The following ALDH1L1 variants were observed in gnomAD, a reference collection of about 807,000 sequenced individuals.
The protein encoded by ALDH1L1 is aldehyde dehydrogenase 1 family member L1, also known as cytosolic 10-formyltetrahydrofolate dehydrogenase.
Under a neutral mutation model 101.1 loss-of-function variants are expected in ALDH1L1, and 68 were observed. The ratio of observed to expected loss-of-function variants is 0.67; its 90% CI spans 0.55 to 0.82. The LOEUF (loss-of-function observed/expected upper bound fraction) is 0.82. ALDH1L1 is among the 40% of genes least tolerant of loss of function. The pLI, the probability that ALDH1L1 is intolerant of heterozygous loss-of-function variation, is 0.00. For missense variants in ALDH1L1, 1,087 were observed against 1,172.7 expected (o/e 0.93, Z 1.07); for synonymous variants, 486 against 470.8 (o/e 1.03, Z -0.42).
chr3:126,146,431 C>A (rs114287293), intron 9 of ALDH1L1, among the ~76,000 whole-genome samples: 3 of 152,132 alleles, frequency 2.0e-5, no homozygotes, highest in African/African-American at 7.2e-5. Context: ...CACAAACTGT[C>A]GAACCATAGT....
intron 7 of ALDH1L1, 152 bp downstream of exon 7, chr3:126,153,292 G>A (rs1271305579): frequency 8.4e-7 from 1 of 1,186,634 alleles, no homozygotes; most frequent in East Asian, 2.4e-5. Context: ...CCAGCCGGGT[G>A]GTCAGGGACA....
chr3:126,107,756 C>T, intron 20 of ALDH1L1: 1 of 161,456 alleles, frequency 6.2e-6, no homozygotes, highest in South Asian at 1.8e-4. Context: ...CTACCAAGGC[C>T]CAGCTCCATG....
intron 21 of ALDH1L1, among the ~76,000 whole-genome samples, chr3:126,106,213 A>G (rs1041106438): frequency 2.0e-5 from 3 of 152,198 alleles, no homozygotes; most frequent in East Asian, 3.9e-4. Context: ...GGGTCCTCAC[A>G]TGCAGAAGGA....
rs1483443301 is a variant in ALDH1L1, at chr3:126,150,850, G to A, written c.859-319C>T. 1.4e-4 allele frequency: 35 copies of A among 256,068 alleles called. No homozygotes were observed. The Admixed American group carries it at 1.6e-3, about 12-fold the overall frequency. 15.9% of individuals were successfully genotyped at this position (256,068 alleles called of 1,614,324 possible). A position where few individuals can be genotyped will look rare whatever the true frequency, so the allele number is the denominator to read the frequency against. ...TGGGATTACAGGCATGAGCCACTGC[G>A]CCCGGCCAAAAGGAAGGATTTCACA... On this transcript the variant is annotated intron_variant, in intron 7 of 22. Coordinates refer to ENST00000393434, the MANE Select transcript of ALDH1L1 (RefSeq NM_012190.4).
rs564643533 is a variant in ALDH1L1 at position 126,142,674 on chromosome 3, A to C, written c.1076+4161T>G. Among the ~76,000 whole-genome samples the C allele has an allele frequency of 4.6e-5, 7 of 152,348 alleles. No homozygotes were observed. In the East Asian group the frequency reaches 1.3e-3, roughly 29 times the overall value. ...ATGATTAAAAAGCACTCAAACTAAG[A>C]ATAGAAGGGAACATCCTTTATATAA... On this transcript the variant is annotated intron_variant, in intron 9 of 22. Transcript: ENST00000393434.
Position 126,105,870 on chromosome 3 carries a change from CA to C in ALDH1L1, c.2508del (p.Gly837ValfsTer48). The C allele has an allele frequency of 6.2e-7, 1 of 1,614,184 alleles. No individual in the cohort carries two copies. The highest frequency in any genetic ancestry group is 8.5e-7 in the Non-Finnish European group (1 of 1,180,022). On this transcript the variant is annotated frameshift_variant, in exon 22 of 23. Coordinates refer to ENST00000393434, the MANE Select transcript of ALDH1L1 (RefSeq NM_012190.4). LOFTEE classifies it high-confidence loss of function. ...RANATEFGLASGVFTRDINKA... is the reference protein window; with the variant it reads ...RANATEFGLAXGVFTRDINKA... Reference sequence around the variant, plus strand: ...TTGTTGATGTCCCTGGTGAAGACACCAGAAGCCAGGCCAAATTCCGTGGCAT... The same window carrying C: ...TTGTTGATGTCCCTGGTGAAGACACCGAAGCCAGGCCAAATTCCGTGGCAT...
upstream of ALDH1L1, chr3:126,180,724 C>T (rs964767352): frequency 7.1e-7 from 1 of 1,403,158 alleles, no homozygotes; most frequent in Admixed American, 2.9e-5. Flanking sequence ...CCTCTCCGGG[C>T]GGGTCTATAA....
Position 126,137,906 on chromosome 3 carries a change from A to T in ALDH1L1, c.1131T>A (p.Asp377Glu). ...CCCCAAAGGTGGATGCCATGTACAC[A>T]TCTTCATTTTCTAACTCCAGGCCAT... Reference protein sequence around the residue: ...LCDGLELENEDVYMASTFGDF... With the variant: ...LCDGLELENEEVYMASTFGDF... Residue 377 changes from aspartate to glutamate, a missense_variant, in exon 10 of 23, where the codon GAT (aspartate) becomes GAA (glutamate). Asp to Glu is a conservative substitution (Grantham distance 45). This residue lies in a region of ALDH1L1 where 645 missense variants were observed against 637.0 expected (regional missense o/e 1.01). Transcript: ENST00000393434. 6.2e-7 allele frequency: 1 copy of T among 1,614,116 alleles called. No individual in the cohort carries two copies. The highest frequency in any genetic ancestry group is 8.5e-7 in the Non-Finnish European group (1 of 1,180,002).
intron 8 of ALDH1L1, among the ~76,000 whole-genome samples, chr3:126,148,446 C>T (rs192812793): frequency 6.6e-5 from 10 of 152,354 alleles, no homozygotes; most frequent in East Asian, 5.8e-4. Flanking sequence ...CCACCAACAC[C>T]GGGGAGCTGC....
chr3:126,128,501 C>A (rs1384620558), intron 14 of ALDH1L1: 2 of 152,296 alleles, frequency 1.3e-5, no homozygotes, highest in Non-Finnish European at 2.9e-5. Context: ...TGGGTTCCGG[C>A]TCCAGAACAT....
At chr3:126,118,781 G>T (rs768098187) in intron 16 of ALDH1L1, among the ~76,000 whole-genome samples, 1 of 151,966 alleles carries the variant, frequency 6.6e-6, no homozygotes, top group Non-Finnish European at 1.5e-5. Context: ...CAAAACACCC[G>T]CCCTCAGGTG....
intron 1 of ALDH1L1, among the ~76,000 whole-genome samples, chr3:126,162,428 C>A (rs1295654008): frequency 6.6e-6 from 1 of 152,174 alleles, no homozygotes; most frequent in South Asian, 2.1e-4. Context: ...CCAATGAAGT[C>A]GAATGCCTTT....
At position 126,154,622 on chromosome 3, in the gene ALDH1L1, C is replaced by T; in HGVS notation, c.652G>A (p.Glu218Lys). ...CCGCGGATCCAGTTGTGAATGGCCTCTGCCGGCTGGTCCCAGTTGATCTGT... is the reference window on the plus strand; with the variant it reads ...CCGCGGATCCAGTTGTGAATGGCCTTTGCCGGCTGGTCCCAGTTGATCTGT... ...TAKINWDQPA[E>K]AIHNWIRGND... Residue 218 changes from glutamate to lysine, a missense_variant, in exon 6 of 23, where the codon GAG becomes AAG. Coordinates refer to ENST00000393434, the MANE Select transcript of ALDH1L1 (RefSeq NM_012190.4). 3 of 1,614,180 alleles carry T rather than the reference C, an allele frequency of 1.9e-6. No individual in the cohort carries two copies. Among genetic ancestry groups the T allele is most frequent in the Non-Finnish European group, 2.5e-6 (3 of 1,180,026 alleles).
chr3:126,155,701 C>A, intron 4 of ALDH1L1, 198 bp from the exon 5 acceptor site: 1 of 506,300 alleles, frequency 2.0e-6, no homozygotes, highest in Non-Finnish European at 3.5e-6. Context: ...GACACAGACC[C>A]GTCCTCTCTA....
Position 126,131,869 on chromosome 3 carries a change from T to C in ALDH1L1, c.1473-335A>G, listed in dbSNP as rs559701838. On this transcript the variant is annotated intron_variant, in intron 12 of 22. Coordinates refer to ENST00000393434, the MANE Select transcript of ALDH1L1 (RefSeq NM_012190.4). Reference sequence around the variant, plus strand: ...CTTGCTGCAGACAGCAAAGGGGTCATGGCCCAAGAGGCTGCCCTTCCTGTC... The same window carrying C: ...CTTGCTGCAGACAGCAAAGGGGTCACGGCCCAAGAGGCTGCCCTTCCTGTC... Among the ~76,000 whole-genome samples, 3 of 152,378 alleles carry C rather than the reference T, an allele frequency of 2.0e-5. No homozygotes were observed. The South Asian group carries it at 6.2e-4, about 32-fold the overall frequency.
At chr3:126,180,403 G>A in intron 1 of ALDH1L1, 73 bp downstream of exon 1, 1 of 973,118 alleles carries the variant, frequency 1.0e-6, no homozygotes, top group Non-Finnish European at 1.2e-6. Context: ...AGCCCCCGGA[G>A]CCCCCGGAGC....
chr3:126,107,203 G>A lies in ALDH1L1; in HGVS notation c.2391C>T (p.His797=), dbSNP rs762729157. 2.5e-6 allele frequency: 4 copies of A among 1,614,204 alleles called. No individual in the cohort carries two copies. Among genetic ancestry groups the A allele is most frequent in the Non-Finnish European group, 3.4e-6 (4 of 1,180,034 alleles). ...AGGACTCCTCCTTGGCTATGAACATGTGGTCTTCCACGTCTGTGAAAACAG... is the reference window on the plus strand; with the variant it reads ...AGGACTCCTCCTTGGCTATGAACATATGGTCTTCCACGTCTGTGAAAACAG... ...EPTVFTDVED[H]MFIAKEESFG... Residue 797 remains histidine (H), a synonymous_variant, in exon 21 of 23, where the codon CAC becomes CAT. Coordinates refer to ENST00000393434, the MANE Select transcript of ALDH1L1 (RefSeq NM_012190.4).
intron 1 of ALDH1L1, among the ~76,000 whole-genome samples, chr3:126,165,105 G>A (rs1161840206): frequency 6.6e-6 from 1 of 151,980 alleles, no homozygotes; most frequent in African/African-American, 2.4e-5. Flanking sequence ...ATTTTTTAAT[G>A]GGGTTATTTG....
At chr3:126,112,000 A>G (rs1946094000) in intron 19 of ALDH1L1, among the ~76,000 whole-genome samples, 1 of 152,158 alleles carries the variant, frequency 6.6e-6, no homozygotes, top group Admixed American at 6.5e-5. Context: ...CCATGTGGTG[A>G]GAAGGTAATG....
Sources: gnomAD v4.1 joint callset for allele counts (sites outside exome capture counted in the v4.1 genomes callset) on GRCh38, gnomAD v4.1.1 for gene constraint, gnomAD v4.1.1 regional missense constraint, MANE v1.5 for transcripts, NCBI Gene and HGNC (gene_info 2026-07-23, HGNC 2026-07-21) for gene names.